Variants in PTPN22 observed in about 807,000 individuals in gnomAD.
PTPN22 encodes the protein tyrosine-protein phosphatase non-receptor type 22.
Under a neutral mutation model 103.3 loss-of-function variants are expected in PTPN22, and 85 were observed. That is an observed-to-expected ratio of 0.82 (90% CI 0.69 to 0.99). The LOEUF (loss-of-function observed/expected upper bound fraction) is 0.99, where lower values mean the gene tolerates loss of function less well. PTPN22 is among the 50% of genes least tolerant of loss of function. PTPN22 has a pLI of 0.00. For synonymous variants in PTPN22, 323 were observed against 310.2 expected, an observed-to-expected ratio of 1.04 and a Z score of -0.43; for missense variants, 865 against 936.9, an observed-to-expected ratio of 0.92 and a Z score of 1.00.
exon 13 of PTPN22, chr1:113,837,606 C>G (rs1469781076): frequency 1.3e-6 from 2 of 1,580,002 alleles, no homozygotes; most frequent in Admixed American, 3.4e-5. Context: ...CAGCTGACTC[C>G]TGGTTCAATA....
At chr1:113,818,116 G>A (rs1661305220) in intron 20 of PTPN22, among the ~76,000 whole-genome samples, 2 of 151,738 alleles carry the variant, frequency 1.3e-5, no homozygotes, top group African/African-American at 4.8e-5. Context: ...AATATTCTGT[G>A]TGAATGTTTT....
intron 11 of PTPN22, among the ~76,000 whole-genome samples, chr1:113,843,304 G>GTGTGTGTT (rs2102007063): frequency 6.6e-6 from 1 of 151,794 alleles, no homozygotes; most frequent in African/African-American, 2.4e-5. Flanking sequence ...GTGTGTGTGT[G>GTGTGTGTT]TGTGGTGTGT....
chr1:113,857,766 A>G (rs371840002), exon 5 of PTPN22: 18 of 1,610,698 alleles, frequency 1.1e-5, no homozygotes, highest in Non-Finnish European at 1.2e-5. Context: ...CATGCATGCC[A>G]TAACAATGAT....
At chr1:113,871,114 T>C (rs1316829416) in intron 1 of PTPN22, among the ~76,000 whole-genome samples, 2 of 152,152 alleles carry the variant, frequency 1.3e-5, no homozygotes, top group African/African-American at 2.4e-5. Context: ...GTCAACCAAA[T>C]AGAATCCCAG....
intron 1 of PTPN22, among the ~76,000 whole-genome samples, chr1:113,870,056 A>C (rs1291917461): frequency 6.6e-6 from 1 of 152,174 alleles, no homozygotes; most frequent in Non-Finnish European, 1.5e-5. Context: ...TGTTAGCTCC[A>C]GGAGGCAAAG....
At chr1:113,844,802 A>AT (rs1416156516) in intron 11 of PTPN22, among the ~76,000 whole-genome samples, 3 of 151,818 alleles carry the variant, frequency 2.0e-5, no homozygotes, top group East Asian at 1.9e-4. Flanking sequence ...TCTGTTACTG[A>AT]TTTTTTTCTT....
chr1:113,840,508 T>G (rs1663455950), intron 11 of PTPN22, among the ~76,000 whole-genome samples: 1 of 152,152 alleles, frequency 6.6e-6, no homozygotes, highest in Non-Finnish European at 1.5e-5. Context: ...TACTGAAAAC[T>G]ACAAAGCTTT....
intron 9 of PTPN22, among the ~76,000 whole-genome samples, chr1:113,853,524 A>G (rs1321039375): frequency 1.4e-5 from 2 of 145,964 alleles, no homozygotes; most frequent in African/African-American, 5.1e-5. Flanking sequence ...CTAATTTTGT[A>G]TTTTTAGTAG....
At chr1:113,854,817 A>G (rs759236265) in intron 8 of PTPN22, 90 bp downstream of exon 8, 12 of 1,436,904 alleles carry the variant, frequency 8.4e-6, no homozygotes, top group Non-Finnish European at 8.5e-6. Flanking sequence ...TGTTTTTGCT[A>G]TTAACCTTTT....
intron 5 of PTPN22, 152 bp downstream of exon 5, chr1:113,857,586 C>A: frequency 4.8e-6 from 3 of 626,472 alleles, no homozygotes; most frequent in Admixed American, 6.0e-5. Context: ...AAAAAAAATC[C>A]TCTGAGAATC....
At chr1:113,866,589 C>G (rs1666141824) in intron 1 of PTPN22, among the ~76,000 whole-genome samples, 1 of 152,040 alleles carries the variant, frequency 6.6e-6, no homozygotes. Flanking sequence ...GCATCATCAA[C>G]TATTAAAAAT....
intron 1 of PTPN22, among the ~76,000 whole-genome samples, chr1:113,870,365 A>C (rs1666474947): frequency 6.6e-6 from 1 of 152,194 alleles, no homozygotes; most frequent in African/African-American, 2.4e-5. Flanking sequence ...TTTCTTCACA[A>C]CTGAAGAGCT....
rs141213626 is a variant in PTPN22, at chr1:113,848,127, C to T, written c.915+413G>A. Among the ~76,000 whole-genome samples, 777 of 152,174 alleles carry T rather than the reference C, an allele frequency of 5.1e-3. 12 individuals carry two copies. The highest frequency in any genetic ancestry group is 0.018 in the African/African-American group (736 of 41,512). On this transcript the variant is annotated intron_variant, in intron 11 of 20. Transcript: ENST00000359785. ...GCTGTGGTGCCATTTCAGCTCACTG[C>T]GACCTCCACCTCCCAGGTTCAAGCA... is the stretch of plus-strand genomic sequence containing the variant.
At chr1:113,828,669 G>A (rs917054894) in intron 18 of PTPN22, among the ~76,000 whole-genome samples, 8 of 151,852 alleles carry the variant, frequency 5.3e-5, no homozygotes, top group South Asian at 2.1e-4. Flanking sequence ...TTGAGATGAC[G>A]TCTCACTCTG....
At chr1:113,834,288 A>G in intron 15 of PTPN22, 21 bp downstream of exon 15, 1 of 1,609,588 alleles carries the variant, frequency 6.2e-7, no homozygotes, top group Non-Finnish European at 8.5e-7. Context: ...AAATGAGTAG[A>G]GTCATTAAAA....
At chr1:113,829,507 A>T in intron 18 of PTPN22, 85 bp downstream of exon 18, 1 of 664,500 alleles carries the variant, frequency 1.5e-6, no homozygotes, top group Admixed American at 2.6e-5. Flanking sequence ...ATTTAATCTA[A>T]TTTTCCATCT....
At chr1:113,842,942 C>G (rs1419749322) in intron 11 of PTPN22, among the ~76,000 whole-genome samples, 4 of 147,368 alleles carry the variant, frequency 2.7e-5, no homozygotes, top group Non-Finnish European at 4.5e-5. Context: ...TCTACTAAAA[C>G]TACAAAAAAT....
chr1:113,848,442 A>T, intron 11 of PTPN22, 98 bp downstream of exon 11: 1 of 1,556,038 alleles, frequency 6.4e-7, no homozygotes, highest in Non-Finnish European at 8.8e-7. Context: ...CTCTCAATTT[A>T]GTTGTGACAA....
intron 5 of PTPN22, 167 bp from the exon 6 acceptor site, chr1:113,856,786 C>A: frequency 1.3e-6 from 1 of 777,684 alleles, no homozygotes; most frequent in Non-Finnish European, 2.0e-6. Flanking sequence ...GATGGGAAAA[C>A]AAACATTAAA....
Sources: allele counts gnomAD v4.1 joint callset (sites outside exome capture counted in the v4.1 genomes callset), GRCh38; gene constraint gnomAD v4.1.1; transcripts MANE v1.5; gene names NCBI Gene and HGNC (gene_info 2026-07-23, HGNC 2026-07-21).